ZNF236: variants seen among roughly 807,000 people sequenced by gnomAD.
The protein encoded by ZNF236 is zinc finger protein 236.
In ZNF236, 50 loss-of-function variants were observed where a neutral mutation model predicts 191.2. The observed-to-expected ratio is 0.26, with a 90% confidence interval of 0.21 to 0.33. The LOEUF is 0.33. Among genes scored for constraint, ZNF236 ranks in the 10% least tolerant of loss-of-function variants. ZNF236 has a pLI of 1.00. For missense variants in ZNF236, 1,754 were observed against 2,374.5 expected (o/e 0.74, Z 5.43); for synonymous variants, 907 against 928.8 (o/e 0.98, Z 0.43).
rs146098433 is a variant in ZNF236 at position 76,852,268 on chromosome 18, C to T, written c.363+329C>T. ...AACATTTATACGATTCTGCCATGGC[C>T]AAAAGTAACTTTTCTGCTTTGAAGA... is the stretch of plus-strand genomic sequence containing the variant. On this transcript the variant is annotated intron_variant, in intron 3 of 30. Coordinates refer to ENST00000320610, the MANE Select transcript of ZNF236 (RefSeq NM_001306089.2). Among the ~76,000 whole-genome samples the T allele has an allele frequency of 2.6e-3, 402 of 152,284 alleles. 1 individual carries two copies. Among genetic ancestry groups the T allele is most frequent in the African/African-American group, 9.3e-3 (388 of 41,558 alleles).
intron 11 of ZNF236, among the ~76,000 whole-genome samples, chr18:76,902,982 G>A (rs1181875281): frequency 6.6e-6 from 1 of 152,136 alleles, no homozygotes; most frequent in East Asian, 1.9e-4. Context: ...CCTGGAGCGA[G>A]GTCTTTGATA....
rs1977515271 is a variant in ZNF236, at chr18:76,899,101, T to C, written c.1773T>C (p.Phe591=). Residue 591 remains phenylalanine, a synonymous_variant, in exon 11 of 31, where the codon TTT becomes TTC. Coordinates refer to ENST00000320610, the MANE Select transcript of ZNF236 (RefSeq NM_001306089.2). Reference sequence around the variant, plus strand: ...GGAAGACTCACATTGCTTCCCACTTTAAACATACGGAATTAAGGAAAATGA... The same window carrying C: ...GGAAGACTCACATTGCTTCCCACTTCAAACATACGGAATTAAGGAAAATGA... ...GHRKTHIASH[F]KHTELRKMRH... 6.2e-7 allele frequency: 1 copy of C among 1,614,182 alleles called. No individual in the cohort carries two copies.
chr18:76,878,018 G>A lies in ZNF236; in HGVS notation c.850G>A (p.Gly284Ser). The change falls in exon 7 of 31, where the codon GGT (glycine) becomes AGT (serine). Residue 284 changes from glycine (G) to serine (S), a missense_variant. Around this residue, in one of 5 missense-constraint regions of ZNF236, gnomAD observed 336 missense variants for 495.1 expected, o/e 0.68. Coordinates refer to ENST00000320610, the MANE Select transcript of ZNF236 (RefSeq NM_001306089.2). ...VQRVHSEVKN[G>S]PTYNCTECSC... ...CTTTTTATTCTTTAAGGTCAAGAATGGTCCTACCTATAACTGTACAGAATG... is the reference window on the plus strand; with the variant it reads ...CTTTTTATTCTTTAAGGTCAAGAATAGTCCTACCTATAACTGTACAGAATG... 6.3e-7 allele frequency: 1 copy of A among 1,584,846 alleles called. No individual in the cohort carries two copies. Among genetic ancestry groups the A allele is most frequent in the Non-Finnish European group, 8.6e-7 (1 of 1,164,436 alleles).
chr18:76,884,794 GTTC>G (rs1977001455), intron 9 of ZNF236: 1 of 152,076 alleles, frequency 6.6e-6, no homozygotes, highest in Admixed American at 6.6e-5. Flanking sequence ...AACCTCCCAC[GTTC>G]TTCTTTTGTT....
intron 1 of ZNF236, among the ~76,000 whole-genome samples, chr18:76,842,241 C>A (rs998103438): frequency 3.1e-5 from 4 of 130,658 alleles, no homozygotes; most frequent in Middle Eastern, 4.0e-3. Context: ...ATGTTTAATT[C>A]TTTTTTGTTA....
At position 76,913,762 on chromosome 18, in the gene ZNF236, C is replaced by A; in HGVS notation, c.2925C>A (p.Asn975Lys). The A allele has an allele frequency of 6.2e-7, 1 of 1,614,124 alleles. No individual in the cohort carries two copies. The highest frequency in any genetic ancestry group is 1.1e-5 in the South Asian group (1 of 91,080). The change falls in exon 18 of 31, where the codon AAC becomes AAA. Residue 975 changes from asparagine to lysine, a missense_variant. Asn to Lys is a moderately conservative substitution (Grantham distance 94, BLOSUM62 0). Transcript: ENST00000320610. ...TGCTTTGTAGGTGTGACTATTGCAA[C>A]AAAGGCTTTAAGAAGTCCAGCCACC... ...SRRSYRCDYC[N>K]KGFKKSSHLK...
intron 30 of ZNF236, among the ~76,000 whole-genome samples, chr18:76,967,090 A>G (rs113614818): frequency 9.8e-5 from 10 of 101,832 alleles, no homozygotes; most frequent in East Asian, 3.3e-4. Context: ...GTTGGAGGTG[A>G]TGTGATTCGT....
intron 26 of ZNF236, among the ~76,000 whole-genome samples, chr18:76,943,952 T>C (rs146358119): frequency 4.4e-4 from 67 of 152,352 alleles, no homozygotes; most frequent in African/African-American, 1.5e-3. Context: ...AAATTGTACA[T>C]GTGAGCAGTA....
Position 76,834,630 on chromosome 18 carries a change from C to T in ZNF236, c.55+11968C>T. 3 of 446,156 alleles carry T rather than the reference C, an allele frequency of 6.7e-6. No homozygotes were observed. In the Admixed American group the frequency reaches 7.6e-5, roughly 11 times the overall value. 27.6% of individuals were successfully genotyped at this position (446,156 alleles called of 1,614,324 possible). A position where few individuals can be genotyped will look rare whatever the true frequency, so the allele number is the denominator to read the frequency against. ...TGCACAGTTGTGCCATTATCCTTTTCCCGTTGCACCCATTCAATGTAGAGG... is the reference window on the plus strand; with the variant it reads ...TGCACAGTTGTGCCATTATCCTTTTTCCGTTGCACCCATTCAATGTAGAGG... On this transcript the variant is annotated intron_variant, in intron 1 of 30. Coordinates refer to ENST00000320610, the MANE Select transcript of ZNF236 (RefSeq NM_001306089.2).
chr18:76,889,472 TAGCACTGGGAAGACAGAC>T (rs1977163961), intron 9 of ZNF236, among the ~76,000 whole-genome samples: 1 of 152,154 alleles, frequency 6.6e-6, no homozygotes, highest in Non-Finnish European at 1.5e-5. Flanking sequence ...GTGCTTGAAG[TAGCACTGGGAAGACAGAC>T]CTCCTTGAGA....
rs1968501485 is a variant in ZNF236 at position 76,955,446 on chromosome 18, A to AT, written c.4915-533dup. Among the ~76,000 whole-genome samples the AT allele has an allele frequency of 2.0e-5, 3 of 152,224 alleles. 1 individual carries two copies. In the Middle Eastern group the frequency reaches 0.01, roughly 518 times the overall value. On this transcript the variant is annotated intron_variant, in intron 27 of 30. Transcript: ENST00000320610. ...AATTTTTTCAAAAATTTTAAAAATG[A>AT]TTTTTTCAAGTGGTGGTGGCATCCC... is the stretch of plus-strand genomic sequence containing the variant.
At chr18:76,917,622 G>T (rs1039295160) in intron 19 of ZNF236, among the ~76,000 whole-genome samples, 1 of 152,172 alleles carries the variant, frequency 6.6e-6, no homozygotes, top group Non-Finnish European at 1.5e-5. Flanking sequence ...TTATTGTGAC[G>T]TTAGCCTGCT....
At chr18:76,939,760 G>A (rs1469421117) in intron 26 of ZNF236, among the ~76,000 whole-genome samples, 2 of 152,024 alleles carry the variant, frequency 1.3e-5, no homozygotes, top group African/African-American at 4.8e-5. Context: ...AACTCGGTGG[G>A]CGACCCTAGC....
chr18:76,961,919 GT>G (rs200775266), intron 30 of ZNF236, among the ~76,000 whole-genome samples: 33 of 151,506 alleles, frequency 2.2e-4, no homozygotes, highest in Admixed American at 1.8e-3. Context: ...GGGATTGTTT[GT>G]TTTTTTTCTT....
chr18:76,897,831 G>T (rs1977479341), intron 10 of ZNF236, among the ~76,000 whole-genome samples: 1 of 152,208 alleles, frequency 6.6e-6, no homozygotes, highest in Non-Finnish European at 1.5e-5. Context: ...GCACCTGGGG[G>T]AGCAATAATT....
chr18:76,883,306 G>A (rs1182433477), intron 9 of ZNF236, among the ~76,000 whole-genome samples: 1 of 148,990 alleles, frequency 6.7e-6, no homozygotes, highest in African/African-American at 2.5e-5. Flanking sequence ...AGTGCATGCA[G>A]TTCTAATAAT....
chr18:76,877,096 A>G (rs763565801), intron 6 of ZNF236, among the ~76,000 whole-genome samples: 3 of 152,254 alleles, frequency 2.0e-5, no homozygotes, highest in Non-Finnish European at 2.9e-5. Context: ...ATAGTTCTAC[A>G]GTAACTAACA....
At chr18:76,961,167 T>TC (rs1968657808) in intron 30 of ZNF236, among the ~76,000 whole-genome samples, 1 of 151,920 alleles carries the variant, frequency 6.6e-6, no homozygotes, top group South Asian at 2.1e-4. Flanking sequence ...TCCCATTCTT[T>TC]CCCCCCGAGT....
At chr18:76,860,964 C>T (rs1048796513) in intron 3 of ZNF236, among the ~76,000 whole-genome samples, 1 of 152,136 alleles carries the variant, frequency 6.6e-6, no homozygotes, top group Non-Finnish European at 1.5e-5. Flanking sequence ...GGTGAGGGAG[C>T]TGTGAGGATG....
Sources: gnomAD v4.1 joint callset for allele counts (sites outside exome capture counted in the v4.1 genomes callset) on GRCh38, gnomAD v4.1.1 for gene constraint, gnomAD v4.1.1 regional missense constraint, MANE v1.5 for transcripts, NCBI Gene and HGNC (gene_info 2026-07-23, HGNC 2026-07-21) for gene names.